The following TBC1D22A variants were observed in gnomAD, a reference collection of about 807,000 sequenced individuals.
The protein encoded by TBC1D22A is TBC1 domain family member 22A.
Under a neutral mutation model 60.2 loss-of-function variants are expected in TBC1D22A, and 38 were observed. The observed-to-expected ratio is 0.63, with a 90% CI of 0.49 to 0.83. The LOEUF (loss-of-function observed/expected upper bound fraction) is 0.83, where lower values mean the gene tolerates loss of function less well. TBC1D22A is among the 40% of genes least tolerant of loss of function. TBC1D22A has a pLI of 0.00. For synonymous variants in TBC1D22A, 302 were observed against 281.7 expected (o/e 1.07, Z -0.72); for missense variants, 628 against 701.0 (o/e 0.90, Z 1.18).
At chr22:47,075,639 G>T (rs926225588) in intron 11 of TBC1D22A, among the ~76,000 whole-genome samples, 7 of 152,072 alleles carry the variant, frequency 4.6e-5, no homozygotes, top group Non-Finnish European at 7.4e-5. Context: ...AAAAGGAGAA[G>T]AAATATTTTT....
At chr22:47,142,689 C>A (rs1222793961) in intron 12 of TBC1D22A, among the ~76,000 whole-genome samples, 1 of 92,632 alleles carries the variant, frequency 1.1e-5, no homozygotes, top group East Asian at 2.9e-4. Flanking sequence ...TCTACCCACC[C>A]ACCCCCATCC....
intron 4 of TBC1D22A, among the ~76,000 whole-genome samples, chr22:46,826,092 A>G (rs920980933): frequency 1.7e-4 from 26 of 152,070 alleles, no homozygotes; most frequent in African/African-American, 2.9e-4. Context: ...CGTGTTAGCC[A>G]TGATGGTCTC....
intron 11 of TBC1D22A, among the ~76,000 whole-genome samples, chr22:47,071,885 T>TA (rs893086318): frequency 6.6e-6 from 1 of 152,164 alleles, no homozygotes; most frequent in Admixed American, 6.5e-5. Context: ...GTTGTGATGA[T>TA]AAAACGTGTG....
intron 8 of TBC1D22A, among the ~76,000 whole-genome samples, chr22:46,941,834 A>ATATATAGAATATATGTATAGAATATGT (rs370457997): frequency 2.5e-5 from 3 of 121,800 alleles, no homozygotes; most frequent in East Asian, 2.1e-4. Flanking sequence ...TATATAGAAT[A>ATATATAGAATATATGTATAGAATATGT]ATAGAATATA....
intron 4 of TBC1D22A, among the ~76,000 whole-genome samples, chr22:46,845,994 G>A (rs1300517384): frequency 6.6e-6 from 1 of 152,270 alleles, no homozygotes; most frequent in African/African-American, 2.4e-5. Flanking sequence ...GGGCTGGGAT[G>A]TTGGCTTAGG....
At chr22:46,961,569 G>T (rs368187342) in intron 8 of TBC1D22A, among the ~76,000 whole-genome samples, 7 of 152,200 alleles carry the variant, frequency 4.6e-5, no homozygotes, top group African/African-American at 1.7e-4. Flanking sequence ...CGTATGGCTT[G>T]CAACATTTCA....
At chr22:47,110,361 C>T (rs2065803396) in intron 11 of TBC1D22A, among the ~76,000 whole-genome samples, 1 of 152,108 alleles carries the variant, frequency 6.6e-6, no homozygotes, top group South Asian at 2.1e-4. Flanking sequence ...CGTCTGTAAT[C>T]CCAGCTACTC....
chr22:46,987,526 A>C (rs889457990), intron 9 of TBC1D22A, among the ~76,000 whole-genome samples: 1 of 152,218 alleles, frequency 6.6e-6, no homozygotes, highest in African/African-American at 2.4e-5. Context: ...CAACTATCCT[A>C]ATAAAACTAG....
intron 9 of TBC1D22A, among the ~76,000 whole-genome samples, chr22:46,995,050 C>G (rs1308163975): frequency 6.6e-6 from 1 of 152,248 alleles, no homozygotes; most frequent in African/African-American, 2.4e-5. Flanking sequence ...CATCGCAGCT[C>G]CTTCAGGGCC....
At chr22:47,140,455 A>G (rs572723596) in intron 12 of TBC1D22A, among the ~76,000 whole-genome samples, 1 of 151,080 alleles carries the variant, frequency 6.6e-6, no homozygotes, top group South Asian at 2.1e-4. Context: ...GCTACTGGGG[A>G]GGCTGAGGCA....
intron 11 of TBC1D22A, among the ~76,000 whole-genome samples, chr22:47,092,804 T>A (rs2065028568): frequency 2.0e-5 from 3 of 152,176 alleles, no homozygotes; most frequent in Admixed American, 2.0e-4. Flanking sequence ...AAAGAAAAAA[T>A]AATCAGGGCT....
chr22:46,894,112 G>A (rs2068546798), intron 6 of TBC1D22A, among the ~76,000 whole-genome samples: 1 of 152,202 alleles, frequency 6.6e-6, no homozygotes, highest in Admixed American at 6.5e-5. Context: ...CGTTGTCCTG[G>A]ATAAACGGGA....
intron 4 of TBC1D22A, among the ~76,000 whole-genome samples, chr22:46,829,571 G>T (rs999267331): frequency 2.0e-5 from 3 of 152,150 alleles, no homozygotes; most frequent in African/African-American, 7.2e-5. Flanking sequence ...ATCTGGGAAG[G>T]CCAGAGAAAA....
intron 12 of TBC1D22A, among the ~76,000 whole-genome samples, chr22:47,119,785 G>A (rs942235440): frequency 6.6e-6 from 1 of 152,172 alleles, no homozygotes; most frequent in African/African-American, 2.4e-5. Context: ...ATGAGCCATC[G>A]TGCCAGGCCT....
chr22:46,868,570 C>T (rs550848917), intron 4 of TBC1D22A, among the ~76,000 whole-genome samples: 3 of 152,238 alleles, frequency 2.0e-5, no homozygotes, highest in South Asian at 4.1e-4. Flanking sequence ...AGTAGTCCTC[C>T]GTCCCCACCC....
At chr22:46,807,382 G>A (rs147995127) in intron 4 of TBC1D22A, among the ~76,000 whole-genome samples, 15 of 152,306 alleles carry the variant, frequency 9.8e-5, no homozygotes, top group Middle Eastern at 3.4e-3. Flanking sequence ...CTGTCAGCCC[G>A]TGCTGAGGAC....
intron 7 of TBC1D22A, among the ~76,000 whole-genome samples, chr22:46,904,146 C>CTGT (rs1555937562): frequency 1.1e-4 from 5 of 45,392 alleles, no homozygotes; most frequent in Non-Finnish European, 3.1e-4. Flanking sequence ...TATCTATCTA[C>CTGT]CTACCTACCT....
intron 12 of TBC1D22A, among the ~76,000 whole-genome samples, chr22:47,149,111 G>A (rs1332854407): frequency 6.6e-6 from 1 of 152,148 alleles, no homozygotes; most frequent in African/African-American, 2.4e-5. Flanking sequence ...CGAGTGATTG[G>A]TGCCCGTTGT....
chr22:47,088,157 CTCTTA>C (rs972607445), intron 11 of TBC1D22A, among the ~76,000 whole-genome samples: 7 of 151,910 alleles, frequency 4.6e-5, no homozygotes, highest in African/African-American at 1.2e-4. Flanking sequence ...AAAAAATAAC[CTCTTA>C]TCTTCTGGCT....
Sources: gnomAD v4.1 joint callset for allele counts (sites outside exome capture counted in the v4.1 genomes callset) on GRCh38, gnomAD v4.1.1 for gene constraint, MANE v1.5 for transcripts, NCBI Gene and HGNC (gene_info 2026-07-23, HGNC 2026-07-21) for gene names.